Variants in ADGRG4 observed in about 807,000 individuals in gnomAD.
The protein encoded by ADGRG4 is adhesion G protein-coupled receptor G4.
In ADGRG4, 122 loss-of-function variants were observed where a neutral mutation model predicts 126.2. The observed-to-expected ratio is 0.97, with a 90% CI of 0.83 to 1.12. ADGRG4 has a LOEUF of 1.12. Among genes scored for constraint, ADGRG4 ranks in the 50% most tolerant of loss-of-function variants. The pLI is 0.00. For missense variants in ADGRG4, 2,481 were observed against 2,251.8 expected, an observed-to-expected ratio of 1.10 and a Z score of -2.06; for synonymous variants, 943 against 838.7, an observed-to-expected ratio of 1.12 and a Z score of -2.15.
At chrX:136,385,939 C>A (rs765216440) in intron 15 of ADGRG4, among the ~76,000 whole-genome samples, 1 of 111,542 alleles carries the variant, frequency 9.0e-6, no homozygotes, top group African/African-American at 3.3e-5. Flanking sequence ...AGATGTCCAC[C>A]ACAACCCCCA....
chrX:136,371,776 G>A (rs1038602324), intron 14 of ADGRG4, among the ~76,000 whole-genome samples: 1 of 111,402 alleles, frequency 9.0e-6, no homozygotes, highest in Admixed American at 9.5e-5. Flanking sequence ...GGCATTATAA[G>A]TAATCTAGAG....
At position 136,341,503 on chromosome X, in the gene ADGRG4, A is replaced by C. The variant is rs1171240148; in HGVS notation, c.686-2889A>C. Among the ~76,000 whole-genome samples the C allele has an allele frequency of 2.7e-5, 3 of 111,956 alleles. No individual in the cohort carries two copies. The Admixed American group carries it at 2.8e-4, about 11-fold the overall frequency. On this transcript the variant is annotated intron_variant, in intron 5 of 25. Coordinates refer to ENST00000394143, the MANE Select transcript of ADGRG4 (RefSeq NM_153834.4). ...GTTGGCTGGTGTAAACCCACCTACAAAATTGGAAATGAAGATCCTGACAAT... is the reference window on the plus strand; with the variant it reads ...GTTGGCTGGTGTAAACCCACCTACACAATTGGAAATGAAGATCCTGACAAT...
intron 11 of ADGRG4, among the ~76,000 whole-genome samples, chrX:136,361,230 T>A (rs941446342): frequency 9.6e-6 from 1 of 104,508 alleles, no homozygotes. Context: ...GTTTATTATT[T>A]AAAAAAAAAA....
rs202172735 is a variant in ADGRG4, at chrX:136,322,915, T to A, written c.208T>A (p.Tyr70Asn). Residue 70 changes from tyrosine (Y) to asparagine (N), a missense_variant, in exon 5 of 26, where the codon TAT becomes AAT. By Grantham distance (143) the Tyr-to-Asn change is moderately radical. Coordinates refer to ENST00000394143, the MANE Select transcript of ADGRG4 (RefSeq NM_153834.4). ...GGTATTCATGGATGACAACTCAAGG[T>A]ATTGGATGGCCTTCTCTTATATTAC... ...DLVFMDDNSRYWMAFSYITNN... is the reference protein window; with the variant it reads ...DLVFMDDNSRNWMAFSYITNN... The A allele has an allele frequency of 8.3e-7, 1 of 1,209,848 alleles. No individual in the cohort carries two copies. The highest frequency in any genetic ancestry group is 1.7e-5 in the African/African-American group (1 of 57,247).
chrX:136,333,971 T>TG (rs2074930618), intron 5 of ADGRG4, among the ~76,000 whole-genome samples: 1 of 111,908 alleles, frequency 8.9e-6, no homozygotes, highest in Non-Finnish European at 1.9e-5. Flanking sequence ...TTCTCCTATA[T>TG]TTTTTCTAAA....
chrX:136,380,579 C>CTT (rs1320500853), intron 15 of ADGRG4, among the ~76,000 whole-genome samples: 12 of 71,148 alleles, frequency 1.7e-4, no homozygotes, highest in African/African-American at 6.8e-4. Context: ...TCTTCTTCTT[C>CTT]CTCCTCCTCC....
rs1327421684 is a variant in ADGRG4, at chrX:136,345,856, A to G, written c.2150A>G (p.Asn717Ser). 4 of 1,211,320 alleles carry G rather than the reference A, an allele frequency of 3.3e-6. No individual in the cohort carries two copies. Among genetic ancestry groups the G allele is most frequent in the Non-Finnish European group, 4.5e-6 (4 of 895,033 alleles). The change falls in exon 6 of 26, where the codon AAT becomes AGT. Residue 717 changes from asparagine (N) to serine (S), a missense_variant. Physicochemically the swap from Asn to Ser is conservative, Grantham distance 46. Coordinates refer to ENST00000394143, the MANE Select transcript of ADGRG4 (RefSeq NM_153834.4). ...CCAGAGGGCAAAGGTACCACTGCCA[A>G]TGATGCTACTACAGCCAGATATACA... ...ASPEGKGTTA[N>S]DATTARYTTA...
At chrX:136,338,243 C>T (rs550539835) in intron 5 of ADGRG4, among the ~76,000 whole-genome samples, 42 of 109,039 alleles carry the variant, frequency 3.9e-4, no homozygotes, top group African/African-American at 1.3e-3. Flanking sequence ...CAGCAACCTC[C>T]GTCTCCCGGG....
At chrX:136,412,210 T>C (rs2148503019) in intron 23 of ADGRG4, 55 bp from the exon 24 acceptor site, 1 of 773,772 alleles carries the variant, frequency 1.3e-6, no homozygotes, top group African/African-American at 2.0e-5. Flanking sequence ...GTCAGGGCAT[T>C]GGTGACAGCT....
chrX:136,343,201 G>T (rs775778420), intron 5 of ADGRG4, among the ~76,000 whole-genome samples: 48 of 110,057 alleles, frequency 4.4e-4, no homozygotes, highest in African/African-American at 1.2e-3. Context: ...GAGACAGAGG[G>T]AGAGACAGAG....
Position 136,345,573 on chromosome X carries a change from A to C in ADGRG4, c.1867A>C (p.Met623Leu). The C allele has an allele frequency of 8.3e-7, 1 of 1,210,078 alleles. No individual in the cohort carries two copies. The highest frequency in any genetic ancestry group is 3.0e-5 in the East Asian group (1 of 33,801). ...PTADGHLLTL[M>L]STRSASTSKA... ...AGCTGATGGACACTTGCTTACTTTG[A>C]TGTCCACTAGATCAGCTTCCACATC... is the stretch of plus-strand genomic sequence containing the variant. Residue 623 changes from methionine to leucine, a missense_variant, in exon 6 of 26, where the codon ATG (methionine) becomes CTG (leucine). Transcript: ENST00000394143.
intron 18 of ADGRG4, among the ~76,000 whole-genome samples, chrX:136,393,973 G>A (rs1314489246): frequency 8.9e-6 from 1 of 111,788 alleles, no homozygotes; most frequent in Non-Finnish European, 1.9e-5. Flanking sequence ...AAGGCCCAGC[G>A]CAGAGTAGCC....
chrX:136,395,621 C>A, intron 19 of ADGRG4, 128 bp downstream of exon 19: 1 of 383,813 alleles, frequency 2.6e-6, no homozygotes, highest in Admixed American at 4.8e-5. Flanking sequence ...ATTTGTTCAT[C>A]CAAAGTAGAT....
At chrX:136,327,634 A>G (rs2074882405) in intron 5 of ADGRG4, among the ~76,000 whole-genome samples, 1 of 110,226 alleles carries the variant, frequency 9.1e-6, no homozygotes, top group African/African-American at 3.3e-5. Flanking sequence ...TTATTTAACT[A>G]GCCCATCATT....
chrX:136,357,186 C>CT (rs1371491333), intron 9 of ADGRG4, among the ~76,000 whole-genome samples: 1 of 111,456 alleles, frequency 9.0e-6, no homozygotes, highest in African/African-American at 3.3e-5. Flanking sequence ...GTCAAGCTGC[C>CT]TGGGTTGGAA....
intron 8 of ADGRG4, 103 bp downstream of exon 8, chrX:136,353,504 G>A (rs2075075379): frequency 3.6e-6 from 2 of 555,553 alleles, no homozygotes; most frequent in Non-Finnish European, 6.0e-6. Flanking sequence ...GAGATTTAGG[G>A]CTGCCACATT....
rs72201867 is a variant in ADGRG4 at position 136,311,394 on chromosome X, TACAC to T, written c.70+2580_70+2583del. Among the ~76,000 whole-genome samples the T allele has an allele frequency of 5.0e-3, 477 of 95,562 alleles. 1 individual carries two copies. Among genetic ancestry groups the T allele is most frequent in the East Asian group, 0.023 (70 of 2,993 alleles). The allele number at this position is 95,562 out of a possible 115,157, so 83.0% of individuals were successfully genotyped here. A position where few individuals can be genotyped will look rare whatever the true frequency, so the allele number is the denominator to read the frequency against. On this transcript the variant is annotated intron_variant, in intron 4 of 25. Coordinates refer to ENST00000394143, the MANE Select transcript of ADGRG4 (RefSeq NM_153834.4). ...GTCCTAAGGTCTTGCTCATACCATGTACACACACACACACACACACACACACACA... is the reference window on the plus strand; with the variant it reads ...GTCCTAAGGTCTTGCTCATACCATGTACACACACACACACACACACACACA...
intron 13 of ADGRG4, among the ~76,000 whole-genome samples, chrX:136,364,532 T>C (rs1408490339): frequency 1.8e-5 from 2 of 112,423 alleles, no homozygotes; most frequent in Admixed American, 9.4e-5. Context: ...ATTTAACCTG[T>C]TTCTTATGGA....
intron 13 of ADGRG4, among the ~76,000 whole-genome samples, chrX:136,368,608 G>A (rs1010682064): frequency 9.0e-6 from 1 of 111,710 alleles, no homozygotes; most frequent in Non-Finnish European, 1.9e-5. Context: ...TGTAGCTTTT[G>A]CCAGTTTTCA....
Sources: gnomAD v4.1 joint callset for allele counts (sites outside exome capture counted in the v4.1 genomes callset) on GRCh38, gnomAD v4.1.1 for gene constraint, MANE v1.5 for transcripts, NCBI Gene and HGNC (gene_info 2026-07-23, HGNC 2026-07-21) for gene names.